Variants in AKT3 observed in about 807,000 individuals in gnomAD.
The protein encoded by AKT3 is AKT serine/threonine kinase 3.
A neutral mutation model predicts 65.3 loss-of-function variants in AKT3; 15 were observed. The observed-to-expected ratio is 0.23, with a 90% CI of 0.15 to 0.35. AKT3 has a LOEUF of 0.35. AKT3 is among the 10% of genes least tolerant of loss of function. The pLI, the probability that AKT3 is intolerant of heterozygous loss-of-function variation, is 1.00. For synonymous variants in AKT3, 206 were observed against 183.8 expected, an observed-to-expected ratio of 1.12 and a Z score of -0.98; for missense variants, 243 against 576.5, an observed-to-expected ratio of 0.42 and a Z score of 5.92.
chr1:243,504,558 A>G lies in AKT3; in HGVS notation c.*691T>C. On this transcript the variant is annotated 3_prime_UTR_variant, in exon 14 of 14. Transcript: ENST00000673466. ...GTAGAACAGTGTTCACTTGCTCATG[A>G]TTGCCCGTGAAGTCTCGACATCCAC... 5.3e-6 allele frequency: 1 copy of G among 186,952 alleles called. No homozygotes were observed. The highest frequency in any genetic ancestry group is 1.1e-5 in the Non-Finnish European group (1 of 88,488). 11.6% of individuals were successfully genotyped at this position (186,952 alleles called of 1,614,324 possible). A position where few individuals can be genotyped will look rare whatever the true frequency, so the allele number is the denominator to read the frequency against.
At position 243,572,908 on chromosome 1, in the gene AKT3, C is replaced by CTT. The variant is rs66631932; in HGVS notation, c.819+16_819+17dup. The CTT allele has an allele frequency of 1.0e-4, 156 of 1,503,576 alleles. No individual in the cohort carries two copies. Among genetic ancestry groups the CTT allele is most frequent in the South Asian group, 3.0e-4 (24 of 80,260 alleles). 93.1% of individuals were successfully genotyped at this position (1,503,576 alleles called of 1,614,324 possible). A position where few individuals can be genotyped will look rare whatever the true frequency, so the allele number is the denominator to read the frequency against. ...TCTCTGCAAAAACAAATTTTGATTA[C>CTT]TTTTTTTTTTTTTTTACCTTGAGAT... is the stretch of plus-strand genomic sequence containing the variant. On this transcript the variant is annotated intron_variant, in intron 9 of 13. Coordinates refer to ENST00000673466, the MANE Select transcript of AKT3 (RefSeq NM_005465.7).
intron 8 of AKT3, among the ~76,000 whole-genome samples, chr1:243,576,724 G>A (rs1305721655): frequency 6.6e-6 from 1 of 152,152 alleles, no homozygotes; most frequent in African/African-American, 2.4e-5. Context: ...GGAAATAAGA[G>A]AGAACACAGA....
At chr1:243,627,487 A>G (rs1006307836) in intron 6 of AKT3, among the ~76,000 whole-genome samples, 1 of 152,212 alleles carries the variant, frequency 6.6e-6, no homozygotes, top group African/African-American at 2.4e-5. Context: ...TGCATTTATC[A>G]GCTTACCATT....
At chr1:243,676,603 G>T (rs1683534225) in intron 3 of AKT3, among the ~76,000 whole-genome samples, 1 of 152,062 alleles carries the variant, frequency 6.6e-6, no homozygotes, top group Admixed American at 6.5e-5. Context: ...GTTTTTGTTT[G>T]TTTCAGCTTC....
chr1:243,826,318 AT>A (rs1464261369), intron 2 of AKT3, among the ~76,000 whole-genome samples: 1 of 152,222 alleles, frequency 6.6e-6, no homozygotes, highest in African/African-American at 2.4e-5. Flanking sequence ...AAGTACAAAC[AT>A]TAGTTACATT....
At chr1:243,632,200 T>C (rs888109488) in intron 6 of AKT3, among the ~76,000 whole-genome samples, 2 of 152,200 alleles carry the variant, frequency 1.3e-5, no homozygotes, top group African/African-American at 4.8e-5. Flanking sequence ...TTACTGTCTA[T>C]TACAAAATGT....
At chr1:243,517,160 C>T (rs1219169982) in intron 12 of AKT3, among the ~76,000 whole-genome samples, 1 of 151,870 alleles carries the variant, frequency 6.6e-6, no homozygotes, top group Non-Finnish European at 1.5e-5. Context: ...TTTTTAATTT[C>T]ATTTCCTTCA....
intron 12 of AKT3, among the ~76,000 whole-genome samples, chr1:243,543,518 T>C (rs1297931388): frequency 6.6e-6 from 1 of 152,206 alleles, no homozygotes; most frequent in Non-Finnish European, 1.5e-5. Context: ...TATTTAGTTG[T>C]AGCTTATTAT....
At chr1:243,652,771 C>CCAAAAAAAAAAAAAAAAA (rs761535967) in intron 4 of AKT3, among the ~76,000 whole-genome samples, 1 of 31,290 alleles carries the variant, frequency 3.2e-5, no homozygotes, top group African/African-American at 1.3e-4. Flanking sequence ...AAATAGAAAG[C>CCAAAAAAAAAAAAAAAAA]AAAAAAAAAA....
intron 12 of AKT3, among the ~76,000 whole-genome samples, chr1:243,544,018 A>C (rs772319442): frequency 2.0e-5 from 3 of 152,196 alleles, no homozygotes; most frequent in Non-Finnish European, 2.9e-5. Context: ...AGAGAAGAAC[A>C]CTTGGCACAT....
At chr1:243,578,369 T>C (rs779710616) in intron 8 of AKT3, among the ~76,000 whole-genome samples, 6 of 152,076 alleles carry the variant, frequency 3.9e-5, no homozygotes, top group Non-Finnish European at 2.9e-5. Flanking sequence ...AGGAATGAGC[T>C]CATGTCCTCT....
At chr1:243,675,730 T>A (rs1013728848) in intron 3 of AKT3, among the ~76,000 whole-genome samples, 2 of 152,200 alleles carry the variant, frequency 1.3e-5, no homozygotes, top group Non-Finnish European at 2.9e-5. Flanking sequence ...TTGCAGCATT[T>A]GATGTTCTTG....
chr1:243,512,684 A>T (rs965042926), intron 12 of AKT3, among the ~76,000 whole-genome samples: 1 of 152,188 alleles, frequency 6.6e-6, no homozygotes, highest in African/African-American at 2.4e-5. Context: ...CGGGAGAGGG[A>T]TATTGAAAAA....
chr1:243,658,151 A>G (rs1681968014), intron 4 of AKT3, among the ~76,000 whole-genome samples: 1 of 152,220 alleles, frequency 6.6e-6, no homozygotes, highest in Non-Finnish European at 1.5e-5. Context: ...CAAACAACAG[A>G]ACAAAACAGA....
intron 2 of AKT3, among the ~76,000 whole-genome samples, chr1:243,721,164 C>T (rs552868337): frequency 6.6e-6 from 1 of 152,242 alleles, no homozygotes; most frequent in Non-Finnish European, 1.5e-5. Flanking sequence ...CTAACCTTCC[C>T]CTCACCTTTC....
Position 243,545,555 on chromosome 1 carries a change from G to A in AKT3, c.1206C>T (p.His402=). The A allele has an allele frequency of 6.2e-7, 1 of 1,612,976 alleles. No individual in the cohort carries two copies. The highest frequency in any genetic ancestry group is 8.5e-7 in the Non-Finnish European group (1 of 1,179,316). ...GPDDAKEIMR[H]SFFSGVNWQD... The stretch of plus-strand genomic sequence containing the variant: ...GCCAGTTTACTCCAGAGAAGAAACT[G>A]TGTCTCATAATTTCTTTTGCATCAT... Residue 402 remains histidine, a synonymous_variant, in exon 12 of 14, where the codon CAC becomes CAT. Transcript: ENST00000673466.
intron 2 of AKT3, among the ~76,000 whole-genome samples, chr1:243,831,314 G>A (rs1239804809): frequency 2.0e-5 from 3 of 152,120 alleles, no homozygotes; most frequent in African/African-American, 7.2e-5. Flanking sequence ...TAATAACAAG[G>A]CAATAGAAAG....
intron 10 of AKT3, among the ~76,000 whole-genome samples, chr1:243,553,245 A>G (rs1673189756): frequency 6.6e-6 from 1 of 152,082 alleles, no homozygotes; most frequent in Admixed American, 6.6e-5. Context: ...TAGCTAGCAT[A>G]TTTACATATT....
chr1:243,664,875 A>G lies in AKT3; in HGVS notation c.181T>C (p.Leu61=). 6.5e-7 allele frequency: 1 copy of G among 1,534,928 alleles called. No individual in the cohort carries two copies. The highest frequency in any genetic ancestry group is 1.3e-5 in the South Asian group (1 of 79,924). Residue 61 remains leucine (L), a synonymous_variant, in exon 4 of 14, where the codon TTA becomes CTA. Coordinates refer to ENST00000673466, the MANE Select transcript of AKT3 (RefSeq NM_005465.7). ...LNNFSVAKCQ[L]MKTERPKPNT... ...GGCTTTGGTCGTTCTGTTTTCATTAACTGGCATTCTAAGAATAAAATAAAA... is the reference window on the plus strand; with the variant it reads ...GGCTTTGGTCGTTCTGTTTTCATTAGCTGGCATTCTAAGAATAAAATAAAA...
Sources: allele counts gnomAD v4.1 joint callset (sites outside exome capture counted in the v4.1 genomes callset), GRCh38; gene constraint gnomAD v4.1.1; transcripts MANE v1.5; gene names NCBI Gene and HGNC (gene_info 2026-07-23, HGNC 2026-07-21).